Variants in APOB observed in about 807,000 individuals in gnomAD.
APOB encodes the protein apolipoprotein B-100.
Under a neutral mutation model 314.1 loss-of-function variants are expected in APOB, and 153 were observed. The observed-to-expected ratio is 0.49, with a 90% confidence interval of 0.43 to 0.56. The LOEUF (loss-of-function observed/expected upper bound fraction) is 0.56, where lower values mean the gene tolerates loss of function less well. Ranked by LOEUF, APOB falls within the 20% of genes least tolerant of loss-of-function variation. The probability of loss-of-function intolerance (pLI) is 0.00; values close to 1 mark genes in which losing one functional copy is unlikely to be tolerated. For synonymous variants in APOB, 2,087 were observed against 2,036.4 expected, an observed-to-expected ratio of 1.02 and a Z score of -0.67; for missense variants, 5,430 against 5,350.7, an observed-to-expected ratio of 1.01 and a Z score of -0.46.
chr2:21,017,568 G>A (rs543973097), intron 20 of APOB, among the ~76,000 whole-genome samples: 1 of 152,220 alleles, frequency 6.6e-6, no homozygotes, highest in South Asian at 2.1e-4. Context: ...GCCCTGAAAT[G>A]GGGAGCACTT....
intron 10 of APOB, among the ~76,000 whole-genome samples, chr2:21,030,719 C>T (rs749482734): frequency 1.4e-4 from 21 of 151,966 alleles, no homozygotes; most frequent in Admixed American, 3.3e-4. Context: ...TACTAATATC[C>T]GGAATGTACA....
At position 21,009,015 on chromosome 2, in the gene APOB, A is replaced by G. The variant is rs531273434; in HGVS notation, c.7853T>C (p.Ile2618Thr). The G allele has an allele frequency of 3.1e-5, 50 of 1,614,090 alleles. No individual in the cohort carries two copies. The highest frequency in any genetic ancestry group is 1.0e-4 in the Admixed American group (6 of 60,014). ...AATCCTCAAATCTGTTAGGGGGACT[A>G]TAAAATCAGGTGTCTGGAAGGTAGC... ...QKATFQTPDF[I>T]VPLTDLRIPS... Residue 2618 changes from isoleucine to threonine, a missense_variant, in exon 26 of 29, where the codon ATA (isoleucine) becomes ACA (threonine). Coordinates refer to ENST00000233242, the MANE Select transcript of APOB (RefSeq NM_000384.3).
Position 21,010,531 on chromosome 2 carries a change from C to T in APOB, c.6337G>A (p.Ala2113Thr), listed in dbSNP as rs776539320. ...NIDQFVRKYR[A>T]ALGKLPQQAN... is the part of the protein sequence containing the mutation. Reference sequence around the variant, plus strand: ...TGCTGTGGGAGTTTTCCCAGGGCTGCTCTGTATTTTCTTACAAATTGATCA... The same window carrying T: ...TGCTGTGGGAGTTTTCCCAGGGCTGTTCTGTATTTTCTTACAAATTGATCA... Residue 2113 changes from alanine to threonine, a missense_variant, in exon 26 of 29, where the codon GCA (alanine) becomes ACA (threonine). This residue lies in a region of APOB where 3,281 missense variants were observed against 3,171.0 expected (regional missense o/e 1.03). Transcript: ENST00000233242. 3 of 1,610,062 alleles carry T rather than the reference C, an allele frequency of 1.9e-6. No individual in the cohort carries two copies. Among genetic ancestry groups the T allele is most frequent in the South Asian group, 2.2e-5 (2 of 90,626 alleles).
At chr2:21,030,943 C>CA (rs1175627976) in intron 10 of APOB, among the ~76,000 whole-genome samples, 2 of 151,970 alleles carry the variant, frequency 1.3e-5, no homozygotes, top group Non-Finnish European at 2.9e-5. Flanking sequence ...ATTCAAAAGA[C>CA]AAAAAATAAC....
intron 20 of APOB, among the ~76,000 whole-genome samples, chr2:21,017,696 C>G (rs748603579): frequency 2.0e-5 from 3 of 152,172 alleles, no homozygotes; most frequent in Non-Finnish European, 2.9e-5. Flanking sequence ...TTGCCCTGGG[C>G]TCCATCTCCC....
chr2:21,013,031 A>G (rs1392168421), intron 25 of APOB, 129 bp downstream of exon 25: 3 of 1,121,674 alleles, frequency 2.7e-6, no homozygotes, highest in Non-Finnish European at 3.9e-6. Context: ...TGAATAAAAT[A>G]AAAGACTTCC....
rs368278927 is a variant in APOB at position 21,006,168 on chromosome 2, G to A, written c.10700C>T (p.Thr3567Met). The change falls in exon 26 of 29, where the codon ACG (threonine) becomes ATG (methionine). Residue 3567 changes from threonine to methionine, a missense_variant. Thr to Met is a moderately conservative substitution (Grantham distance 81). Transcript: ENST00000233242. The part of the protein sequence containing the change: ...QRIYSLWEHS[T>M]KNHLQLEGLF... ...GCCCTCTAGCTGTAAGTGGTTTTTCGTACTGTGCTCCCAGAGGGAATATAT... is the reference window on the plus strand; with the variant it reads ...GCCCTCTAGCTGTAAGTGGTTTTTCATACTGTGCTCCCAGAGGGAATATAT... 5.4e-5 allele frequency: 87 copies of A among 1,613,840 alleles called. 1 individual carries two copies. Among genetic ancestry groups the A allele is most frequent in the Middle Eastern group, 1.6e-4 (1 of 6,084 alleles).
Position 21,010,771 on chromosome 2 carries a change from GC to G in APOB, c.6096del (p.Glu2032AspfsTer9), listed in dbSNP as rs1663291290. On this transcript the variant is annotated frameshift_variant, in exon 26 of 29. Transcript: ENST00000233242. LOFTEE classifies it high-confidence loss of function. ...SPIKVPLLLSEPINIIDALEM... is the reference protein window; with the variant it reads ...SPIKVPLLLSXPINIIDALEM... ...TCTAAAGCATCAATGATATTGATGG[GC>G]TCACTGAGTAAAAGTGGCACTTTAA... 1 of 1,613,980 alleles carries G rather than the reference GC, an allele frequency of 6.2e-7. No individual in the cohort carries two copies. Among genetic ancestry groups the G allele is most frequent in the African/African-American group, 1.3e-5 (1 of 74,896 alleles).
intron 10 of APOB, among the ~76,000 whole-genome samples, chr2:21,030,365 T>C (rs542905330): frequency 6.6e-6 from 1 of 152,274 alleles, no homozygotes; most frequent in African/African-American, 2.4e-5. Context: ...GACACCCTTT[T>C]CAATAAGTGG....
rs1190217516 is a variant in APOB at position 21,006,661 on chromosome 2, T to A, written c.10207A>T (p.Asn3403Tyr). 5 of 1,614,108 alleles carry A rather than the reference T, an allele frequency of 3.1e-6. No individual in the cohort carries two copies. Among genetic ancestry groups the A allele is most frequent in the Non-Finnish European group, 4.2e-6 (5 of 1,179,976 alleles). Residue 3403 changes from asparagine to tyrosine, a missense_variant, in exon 26 of 29, where the codon AAC becomes TAC. This residue lies in a region of APOB where 3,281 missense variants were observed against 3,171.0 expected (regional missense o/e 1.03). Coordinates refer to ENST00000233242, the MANE Select transcript of APOB (RefSeq NM_000384.3). ...TTATGACTACCCTCCACAAATTTGT[T>A]GCTCAGAGACAGAGCTGTGGCTAAC... Reference protein sequence around the residue: ...LKLATALSLSNKFVEGSHNST... With the variant: ...LKLATALSLSYKFVEGSHNST...
rs1454855935 is a variant in APOB, at chr2:21,022,890, A to C, written c.2757T>G (p.Ala919=). ...SGLEAHVALK[A]GKLKFIIPSP... The stretch of plus-strand genomic sequence containing the variant: ...AAGGAATGATAAACTTCAGCTTCCC[A>C]GCTTTTAGGGCAACATGAGCCTCCA... The change falls in exon 18 of 29, where the codon GCT becomes GCG. Residue 919 remains alanine, a synonymous_variant. Coordinates refer to ENST00000233242, the MANE Select transcript of APOB (RefSeq NM_000384.3). 6.2e-6 allele frequency: 10 copies of C among 1,614,142 alleles called. No individual in the cohort carries two copies. The East Asian group carries it at 2.2e-4, about 36-fold the overall frequency.
At position 21,011,492 on chromosome 2, in the gene APOB, A is replaced by G; in HGVS notation, c.5376T>C (p.Ser1792=). ...QTVNLQLQPY[S]LVTTLNSDLK... ...GGTCACTGTTTAAAGTAGTTACCAG[A>G]GAATAGGGCTGTAGCTGTAAATTAA... is the stretch of plus-strand genomic sequence containing the variant. The change falls in exon 26 of 29, where the codon TCT becomes TCC. Residue 1792 remains serine, a synonymous_variant. Transcript: ENST00000233242. 6.2e-7 allele frequency: 1 copy of G among 1,614,224 alleles called. No individual in the cohort carries two copies. Among genetic ancestry groups the G allele is most frequent in the Non-Finnish European group, 8.5e-7 (1 of 1,180,030 alleles).
At chr2:21,023,715 C>G (rs778356811) in intron 16 of APOB, 23 bp from the exon 17 acceptor site, 7 of 1,570,088 alleles carry the variant, frequency 4.5e-6, no homozygotes, top group Non-Finnish European at 6.0e-6. Flanking sequence ...CAAGGGAGAG[C>G]AAATAAAAGT....
intron 10 of APOB, 66 bp downstream of exon 10, chr2:21,032,288 A>C: frequency 7.1e-7 from 1 of 1,399,158 alleles, no homozygotes; most frequent in Non-Finnish European, 1.0e-6. Flanking sequence ...GTTTTAATAC[A>C]GAGATGCACA....
intron 15 of APOB, among the ~76,000 whole-genome samples, chr2:21,026,414 G>T (rs1030549136): frequency 2.6e-5 from 4 of 151,818 alleles, no homozygotes; most frequent in Non-Finnish European, 4.4e-5. Context: ...TGCCCAGCTA[G>T]TTTTTTTGTA....
chr2:21,024,706 G>A, intron 16 of APOB: 1 of 684,828 alleles, frequency 1.5e-6, no homozygotes, highest in East Asian at 2.7e-5. Flanking sequence ...ATAAATTAAT[G>A]CTCTTAAAAA....
chr2:21,020,459 A>C (rs1377620728), intron 18 of APOB, among the ~76,000 whole-genome samples: 6 of 152,000 alleles, frequency 3.9e-5, no homozygotes, highest in Admixed American at 3.9e-4. Flanking sequence ...TGCTCACTCC[A>C]TCTCCTGAAA....
intron 4 of APOB, 150 bp from the exon 5 acceptor site, chr2:21,038,261 C>A: frequency 1.2e-6 from 1 of 836,790 alleles, no homozygotes. Context: ...AATATAGCTA[C>A]ACATAGACAT....
chr2:21,028,247 C>G, intron 13 of APOB, 80 bp downstream of exon 13: 1 of 1,303,066 alleles, frequency 7.7e-7, no homozygotes, highest in Non-Finnish European at 1.1e-6. Context: ...CAAGGGCAGA[C>G]AGTGGCTATG....
Sources: gnomAD v4.1 joint callset for allele counts (sites outside exome capture counted in the v4.1 genomes callset) on GRCh38, gnomAD v4.1.1 for gene constraint, gnomAD v4.1.1 regional missense constraint, MANE v1.5 for transcripts, NCBI Gene and HGNC (gene_info 2026-07-23, HGNC 2026-07-21) for gene names.